Variants in MYO18B observed in about 807,000 individuals in gnomAD.
MYO18B encodes the protein myosin XVIIIB, also known as unconventional myosin-XVIIIb.
MYO18B carries 204 observed loss-of-function variants against 273.0 expected under a neutral mutation model. The observed-to-expected ratio is 0.75, with a 90% CI of 0.67 to 0.84. The LOEUF is 0.84. Among genes scored for constraint, MYO18B ranks in the 40% least tolerant of loss-of-function variants. The probability of loss-of-function intolerance (pLI) is 0.00; values close to 1 mark genes in which losing one functional copy is unlikely to be tolerated. For synonymous variants in MYO18B, 1,330 were observed against 1,305.7 expected (o/e 1.02, Z -0.40); for missense variants, 3,212 against 3,287.6 (o/e 0.98, Z 0.56).
At chr22:25,782,307 G>T (rs1205286077) in intron 10 of MYO18B, among the ~76,000 whole-genome samples, 2 of 152,242 alleles carry the variant, frequency 1.3e-5, no homozygotes, top group East Asian at 3.8e-4. Flanking sequence ...ATGGGAAGAG[G>T]GAGAGGGACA....
At chr22:25,826,052 A>G (rs940841952) in intron 13 of MYO18B, among the ~76,000 whole-genome samples, 28 of 152,190 alleles carry the variant, frequency 1.8e-4, no homozygotes, top group African/African-American at 6.5e-4. Context: ...ACTATACTAG[A>G]AAGATGATGC....
chr22:25,991,821 G>C (rs1367610643), intron 39 of MYO18B, among the ~76,000 whole-genome samples: 1 of 152,176 alleles, frequency 6.6e-6, no homozygotes, highest in Non-Finnish European at 1.5e-5. Context: ...TGCCCATCGC[G>C]CTTGCCTGTT....
intron 1 of MYO18B, among the ~76,000 whole-genome samples, chr22:25,747,560 C>G (rs761026957): frequency 6.6e-6 from 1 of 152,158 alleles, no homozygotes. Flanking sequence ...CAGCCTAGGT[C>G]AGTGGAGCAA....
At chr22:25,882,563 A>G (rs2091372163) in intron 25 of MYO18B, among the ~76,000 whole-genome samples, 1 of 152,212 alleles carries the variant, frequency 6.6e-6, no homozygotes, top group Non-Finnish European at 1.5e-5. Context: ...AGCCAAGAGC[A>G]TGATGTCATT....
chr22:25,874,720 C>T (rs2091144378), intron 23 of MYO18B, among the ~76,000 whole-genome samples: 2 of 152,146 alleles, frequency 1.3e-5, no homozygotes, highest in Non-Finnish European at 2.9e-5. Flanking sequence ...AGGGCATGAC[C>T]AGGGCCCAGC....
chr22:25,861,045 CA>C (rs2090719353), intron 21 of MYO18B, among the ~76,000 whole-genome samples: 1 of 152,034 alleles, frequency 6.6e-6, no homozygotes. Context: ...TATGCCACCA[CA>C]CCTGGCTGAT....
chr22:25,850,947 C>T (rs1396589006), intron 20 of MYO18B, among the ~76,000 whole-genome samples: 3 of 152,216 alleles, frequency 2.0e-5, no homozygotes, highest in African/African-American at 7.2e-5. Flanking sequence ...CAGTTCCCCA[C>T]ATAGAAGGAT....
chr22:25,754,531 TCTC>T (rs1346004720), intron 1 of MYO18B, among the ~76,000 whole-genome samples: 2 of 152,146 alleles, frequency 1.3e-5, no homozygotes, highest in Non-Finnish European at 2.9e-5. Flanking sequence ...TTTCAAGTCA[TCTC>T]CTGGCTTTGG....
intron 21 of MYO18B, among the ~76,000 whole-genome samples, chr22:25,866,225 T>A (rs1291099412): frequency 1.3e-5 from 2 of 151,162 alleles, no homozygotes; most frequent in East Asian, 3.9e-4. Context: ...AAATAGACTT[T>A]CTGATTTTCA....
chr22:25,803,289 G>A (rs1213955605), intron 12 of MYO18B, among the ~76,000 whole-genome samples: 3 of 152,144 alleles, frequency 2.0e-5, no homozygotes, highest in African/African-American at 7.2e-5. Flanking sequence ...ATGTGGTGTA[G>A]TGTTTGCAAG....
At chr22:25,813,696 G>A (rs886587658) in intron 12 of MYO18B, among the ~76,000 whole-genome samples, 1 of 152,192 alleles carries the variant, frequency 6.6e-6, no homozygotes, top group Non-Finnish European at 1.5e-5. Context: ...CTGTCTTCCT[G>A]TTCATAAAGC....
intron 42 of MYO18B, chr22:26,006,493 G>A (rs1399690205): frequency 1.9e-5 from 6 of 311,538 alleles, no homozygotes; most frequent in Non-Finnish European, 3.9e-5. Context: ...GAATTCTCTA[G>A]CACTGGATTA....
At chr22:25,804,388 A>G (rs1487349321) in intron 12 of MYO18B, among the ~76,000 whole-genome samples, 1 of 152,228 alleles carries the variant, frequency 6.6e-6, no homozygotes, top group East Asian at 1.9e-4. Flanking sequence ...GTTACTTGCT[A>G]GATCACCGGA....
At chr22:25,767,365 A>G (rs1321387224) in intron 3 of MYO18B, among the ~76,000 whole-genome samples, 2 of 152,276 alleles carry the variant, frequency 1.3e-5, no homozygotes, top group East Asian at 3.9e-4. Flanking sequence ...CAGGGCCCTC[A>G]GCTGGTATGG....
At chr22:26,061,690 C>T in the MYO18B span, among the ~76,000 whole-genome samples, 262 of 151,566 alleles carry the variant, frequency 1.7e-3, 1 homozygote, top group African/African-American at 6.0e-3. Context: ...CATCTACCAC[C>T]GAGAAAGGTC....
At chr22:25,817,847 C>T (rs1333115191) in intron 12 of MYO18B, among the ~76,000 whole-genome samples, 1 of 152,180 alleles carries the variant, frequency 6.6e-6, no homozygotes, top group Non-Finnish European at 1.5e-5. Flanking sequence ...ATACTGATGA[C>T]CATTCCATAG....
chr22:25,793,709 C>A (rs1009012626), intron 11 of MYO18B, among the ~76,000 whole-genome samples: 8 of 152,168 alleles, frequency 5.3e-5, no homozygotes, highest in Admixed American at 2.6e-4. Flanking sequence ...CTAAGCCCAG[C>A]CTGGTTTAAT....
chr22:26,027,820 T>C lies in MYO18B; in HGVS notation c.*12+130T>C. On this transcript the variant is annotated intron_variant, in intron 43 of 43. Coordinates refer to ENST00000335473, the MANE Select transcript of MYO18B (RefSeq NM_032608.7). The surrounding 1 kb of genome is among the most constrained non-coding windows in gnomAD (Gnocchi z 4.1). ...CTAGAGACCAAGATTTTTAGAGGTT[T>C]TAGCTGAAGTCATGTGTTGATGGAT... 9.9e-7 allele frequency: 1 copy of C among 1,008,670 alleles called. No homozygotes were observed. The highest frequency in any genetic ancestry group is 1.4e-6 in the Non-Finnish European group (1 of 708,612). The allele number at this position is 1,008,670 out of a possible 1,614,324, so 62.5% of individuals were successfully genotyped here.
intron 37 of MYO18B, 67 bp downstream of exon 37, chr22:25,950,517 G>GTTGTGTGTGTGT: frequency 5.7e-5 from 14 of 245,034 alleles, no homozygotes; most frequent in Non-Finnish European, 8.3e-5. Context: ...GAACTAATAG[G>GTTGTGTGTGTGT]ATGTGTGTGT....
Sources: allele counts gnomAD v4.1 joint callset (sites outside exome capture counted in the v4.1 genomes callset), GRCh38; gene constraint gnomAD v4.1.1; non-coding constraint Gnocchi (gnomAD v3.1); transcripts MANE v1.5; gene names NCBI Gene and HGNC (gene_info 2026-07-23, HGNC 2026-07-21).